The following TRPV5 variants were observed in gnomAD, a reference collection of about 807,000 sequenced individuals.
TRPV5 encodes the protein calcium transport protein 2.
Under a neutral mutation model 74.1 loss-of-function variants are expected in TRPV5, and 66 were observed. That is an observed-to-expected ratio of 0.89 (90% CI 0.73 to 1.09). The LOEUF is 1.09. Ranked by LOEUF, TRPV5 falls within the 50% of genes least tolerant of loss-of-function variation. TRPV5 has a pLI of 0.00. For synonymous variants in TRPV5, 399 were observed against 360.7 expected, an observed-to-expected ratio of 1.11 and a Z score of -1.20; for missense variants, 936 against 930.4, an observed-to-expected ratio of 1.01 and a Z score of -0.08.
intron 7 of TRPV5, among the ~76,000 whole-genome samples, chr7:142,927,815 G>T (rs1197421772): frequency 6.6e-6 from 1 of 152,202 alleles, no homozygotes; most frequent in Non-Finnish European, 1.5e-5. Context: ...ACCAATGAAT[G>T]AATATGAGGA....
At chr7:142,912,096 T>A (rs536149231) in intron 13 of TRPV5, among the ~76,000 whole-genome samples, 1 of 152,348 alleles carries the variant, frequency 6.6e-6, no homozygotes, top group East Asian at 1.9e-4. Context: ...CTAATTCTAA[T>A]ATTTATCAGT....
intron 8 of TRPV5, 59 bp from the exon 9 acceptor site, chr7:142,915,627 C>A: frequency 6.4e-7 from 1 of 1,557,924 alleles, no homozygotes; most frequent in Non-Finnish European, 8.8e-7. Context: ...TCCTTTTGTG[C>A]AAATGATCGA....
intron 1 of TRPV5, 118 bp from the exon 2 acceptor site, chr7:142,930,564 A>T: frequency 3.8e-6 from 3 of 796,672 alleles, no homozygotes; most frequent in Non-Finnish European, 6.4e-6. Context: ...GCAGTGACAA[A>T]TTGGAAAGAA....
Position 142,914,919 on chromosome 7 carries a change from ATCC to A in TRPV5, c.1411_1413del (p.Gly471del), listed in dbSNP as rs1342744410. On this transcript the variant is annotated inframe_deletion, in exon 11 of 15. Coordinates refer to ENST00000265310, the MANE Select transcript of TRPV5 (RefSeq NM_019841.7). ...ATGGTGAAGGGACCCAGCATCTGGA[ATCC>A]TCGAGTGAAATACATGACACTGCAC... is the stretch of plus-strand genomic sequence containing the variant. 6.2e-7 allele frequency: 1 copy of A among 1,614,046 alleles called. No homozygotes were observed. The highest frequency in any genetic ancestry group is 1.3e-5 in the African/African-American group (1 of 74,922).
chr7:142,924,573 A>T (rs1460277208), intron 8 of TRPV5, among the ~76,000 whole-genome samples: 3 of 151,666 alleles, frequency 2.0e-5, no homozygotes, highest in African/African-American at 7.3e-5. Context: ...TCTCTTTCCG[A>T]CTGAAACTAC....
chr7:142,925,287 C>G, intron 8 of TRPV5: 1 of 587,668 alleles, frequency 1.7e-6, no homozygotes, highest in Non-Finnish European at 3.0e-6. Context: ...CAGGCTTACT[C>G]ATGCCAAGCA....
chr7:142,931,087 A>G lies in TRPV5; in HGVS notation c.129-641T>C, dbSNP rs929656316. The stretch of plus-strand genomic sequence containing the variant: ...GCCTAGGCTGGAGTGCAGTGGTACA[A>G]TCTCAGCTTACCGCAGCCTCTGCCT... On this transcript the variant is annotated intron_variant, in intron 1 of 14. Transcript: ENST00000265310. 5.0e-5 allele frequency among the ~76,000 whole-genome samples: 7 copies of G among 140,462 alleles called. No individual in the cohort carries two copies. The East Asian group carries it at 1.5e-3, about 30-fold the overall frequency. The allele number at this position is 140,462 out of a possible 152,430, so 92.1% of individuals were successfully genotyped here.
intron 8 of TRPV5, among the ~76,000 whole-genome samples, chr7:142,923,177 G>C (rs1304705755): frequency 1.3e-5 from 2 of 152,098 alleles, no homozygotes; most frequent in South Asian, 2.1e-4. Context: ...AATATAATTG[G>C]ACAGTAAAGT....
intron 1 of TRPV5, among the ~76,000 whole-genome samples, chr7:142,931,017 ATT>A (rs35738386): frequency 0.11 from 10,775 of 99,754 alleles, 518 homozygotes; most frequent in African/African-American, 0.27. Flanking sequence ...CCCTCAGGCT[ATT>A]TTTTTTTTTT....
Position 142,908,573 on chromosome 7 carries a change from G to A in TRPV5, c.2131C>T (p.His711Tyr). 3 of 1,614,238 alleles carry A rather than the reference G, an allele frequency of 1.9e-6. No homozygotes were observed. Among genetic ancestry groups the A allele is most frequent in the Non-Finnish European group, 2.5e-6 (3 of 1,180,040 alleles). The change falls in exon 15 of 15, where the codon CAC (histidine) becomes TAC (tyrosine). Residue 711 changes from histidine (H) to tyrosine (Y), a missense_variant. By Grantham distance (83) the His-to-Tyr change is moderately conservative. Coordinates refer to ENST00000265310, the MANE Select transcript of TRPV5 (RefSeq NM_019841.7). ...CTAAGGTTCAGTCCAAGATTCAAGT[G>A]CCCCAGGGTGTTTTGACGAAGGATC... Reference protein sequence around the residue: ...WEILRQNTLGHLNLGLNLSEG... With the variant: ...WEILRQNTLGYLNLGLNLSEG...
In TRPV5 at chr7:142,929,582, C is replaced by T. The variant is rs984699943; in HGVS notation, c.350-17G>A. ...CAGTCTGACCTGGCCCAGAGACAGCCATCATCAGGGTCTCCCTCTGTCCCC... is the reference window on the plus strand; with the variant it reads ...CAGTCTGACCTGGCCCAGAGACAGCTATCATCAGGGTCTCCCTCTGTCCCC... On this transcript the variant is annotated splice_polypyrimidine_tract_variant and intron_variant, in intron 3 of 14. Coordinates refer to ENST00000265310, the MANE Select transcript of TRPV5 (RefSeq NM_019841.7). 3 of 1,610,142 alleles carry T rather than the reference C, an allele frequency of 1.9e-6. No individual in the cohort carries two copies. The highest frequency in any genetic ancestry group is 2.5e-6 in the Non-Finnish European group (3 of 1,176,922).
intron 8 of TRPV5, chr7:142,925,316 G>C: frequency 1.7e-6 from 1 of 600,034 alleles, no homozygotes; most frequent in Non-Finnish European, 3.0e-6. Context: ...AAGTTTGTGT[G>C]AGAAAATCCA....
At chr7:142,924,996 G>A in intron 8 of TRPV5, 1 of 167,770 alleles carries the variant, frequency 6.0e-6, no homozygotes, top group East Asian at 1.6e-4. Context: ...GCCTCAGAGA[G>A]TATTTACTTC....
At chr7:142,925,764 C>A in intron 7 of TRPV5, 23 bp from the exon 8 acceptor site, 9 of 1,604,558 alleles carry the variant, frequency 5.6e-6, no homozygotes, top group Non-Finnish European at 7.7e-6. Context: ...TAGAGTGAAA[C>A]TTGGGGTGAC....
intron 8 of TRPV5, among the ~76,000 whole-genome samples, chr7:142,923,190 T>A (rs1795912524): frequency 6.6e-6 from 1 of 152,160 alleles, no homozygotes; most frequent in African/African-American, 2.4e-5. Flanking sequence ...AGTAAAGTAT[T>A]CATTCATCTA....
Position 142,925,574 on chromosome 7 carries a change from G to C in TRPV5, c.1077C>G (p.Arg359=). The stretch of plus-strand genomic sequence containing the variant: ...GGATGGTGATGTCTCGAGAATGAGT[G>C]CGGTTGCCACCACGAAACTTAAGGG... ...YRPLKFRGGN[R]THSRDITILQ... Residue 359 remains arginine, a synonymous_variant, in exon 8 of 15, where the codon CGC becomes CGG. Coordinates refer to ENST00000265310, the MANE Select transcript of TRPV5 (RefSeq NM_019841.7). The C allele has an allele frequency of 6.2e-7, 1 of 1,614,194 alleles. No homozygotes were observed. Among genetic ancestry groups the C allele is most frequent in the Non-Finnish European group, 8.5e-7 (1 of 1,180,032 alleles).
intron 8 of TRPV5, among the ~76,000 whole-genome samples, chr7:142,916,035 A>G (rs1309512429): frequency 6.6e-6 from 1 of 152,238 alleles, no homozygotes; most frequent in African/African-American, 2.4e-5. Context: ...TCCGGAATCT[A>G]CTACCTCTAG....
At position 142,930,195 on chromosome 7, in the gene TRPV5, G is replaced by C. The variant is rs772700702; in HGVS notation, c.227-15C>G. 6.2e-7 allele frequency: 1 copy of C among 1,610,978 alleles called. No homozygotes were observed. Among genetic ancestry groups the C allele is most frequent in the Non-Finnish European group, 8.5e-7 (1 of 1,179,014 alleles). On this transcript the variant is annotated splice_polypyrimidine_tract_variant and intron_variant, in intron 2 of 14. Coordinates refer to ENST00000265310, the MANE Select transcript of TRPV5 (RefSeq NM_019841.7). ...CCCCAGGGCTCCTGGATTGGAGTAA[G>C]ACAGAGATGTTAGACACTTTTCAGA... is the stretch of plus-strand genomic sequence containing the variant.
At chr7:142,910,154 T>C (rs1795680490) in intron 13 of TRPV5, among the ~76,000 whole-genome samples, 1 of 152,208 alleles carries the variant, frequency 6.6e-6, no homozygotes, top group South Asian at 2.1e-4. Context: ...TTATCAAATA[T>C]GCCTGTGACA....
Sources: allele counts gnomAD v4.1 joint callset (sites outside exome capture counted in the v4.1 genomes callset), GRCh38; gene constraint gnomAD v4.1.1; transcripts MANE v1.5; gene names NCBI Gene and HGNC (gene_info 2026-07-23, HGNC 2026-07-21).